Variants in RBPMS observed in about 807,000 individuals in gnomAD.
RBPMS encodes RNA-binding protein with multiple splicing.
A neutral mutation model predicts 26.8 loss-of-function variants in RBPMS; 7 were observed. That is an observed-to-expected ratio of 0.26 (90% CI 0.15 to 0.49). The LOEUF (loss-of-function observed/expected upper bound fraction) is 0.49, where lower values mean the gene tolerates loss of function less well. Among genes scored for constraint, RBPMS ranks in the 20% least tolerant of loss-of-function variants. The probability of loss-of-function intolerance (pLI) is 0.98; values close to 1 mark genes in which losing one functional copy is unlikely to be tolerated. For missense variants in RBPMS, 186 were observed against 250.0 expected (o/e 0.74, Z 1.73); for synonymous variants, 96 against 93.3 (o/e 1.03, Z -0.17).
intron 6 of RBPMS, among the ~76,000 whole-genome samples, chr8:30,549,024 G>A (rs1049097631): frequency 3.3e-5 from 5 of 152,238 alleles, no homozygotes; most frequent in Non-Finnish European, 7.3e-5. Flanking sequence ...CCAGCAGCGA[G>A]ACAGCTGTGG....
chr8:30,570,826 T>C lies in RBPMS; in HGVS notation c.*301T>C, dbSNP rs1268090798. On this transcript the variant is annotated 3_prime_UTR_variant, in exon 9 of 9. Coordinates refer to ENST00000397323, the MANE Select transcript of RBPMS (RefSeq NM_001008710.3). ...AAATTTCTGTACAGTTTGGAGATAT[T>C]TTCAAACGAAACGTAAGAGAAGTCA... The C allele has an allele frequency of 3.3e-5, 5 of 152,464 alleles. No individual in the cohort carries two copies. The highest frequency in any genetic ancestry group is 6.5e-5 in the Admixed American group (1 of 15,282). The allele number at this position is 152,464 out of a possible 1,614,324, so 9.4% of individuals were successfully genotyped here.
chr8:30,486,485 T>C (rs75437803), intron 4 of RBPMS, among the ~76,000 whole-genome samples: 1 of 149,690 alleles, frequency 6.7e-6, no homozygotes, highest in East Asian at 2.0e-4. Flanking sequence ...AAAAAAAAAT[T>C]AGCTGGGCAT....
At chr8:30,526,342 C>T (rs1022302908) in intron 5 of RBPMS, among the ~76,000 whole-genome samples, 1 of 152,226 alleles carries the variant, frequency 6.6e-6, no homozygotes, top group African/African-American at 2.4e-5. Context: ...CCTTAACCAT[C>T]TCTTTCTTCA....
At chr8:30,480,818 T>G (rs1359045094) in intron 4 of RBPMS, among the ~76,000 whole-genome samples, 1 of 152,242 alleles carries the variant, frequency 6.6e-6, no homozygotes, top group Non-Finnish European at 1.5e-5. Context: ...CAATTTCAAT[T>G]TAGCAGTGTT....
intron 6 of RBPMS, among the ~76,000 whole-genome samples, chr8:30,549,890 G>A (rs1481923431): frequency 2.8e-5 from 4 of 140,902 alleles, no homozygotes; most frequent in Admixed American, 7.4e-5. Flanking sequence ...TCGCTCTGTC[G>A]CCCAGGCTGG....
chr8:30,439,572 CTTCT>C (rs1289975960), intron 1 of RBPMS, among the ~76,000 whole-genome samples: 2 of 152,090 alleles, frequency 1.3e-5, no homozygotes, highest in East Asian at 1.9e-4. Flanking sequence ...GGAGGAAAAA[CTTCT>C]TTCTTAGAGT....
intron 5 of RBPMS, among the ~76,000 whole-genome samples, chr8:30,524,848 T>C (rs1823414515): frequency 6.6e-6 from 1 of 152,186 alleles, no homozygotes; most frequent in African/African-American, 2.4e-5. Flanking sequence ...TCAAACTTTA[T>C]CAGTAAAACT....
intron 1 of RBPMS, among the ~76,000 whole-genome samples, chr8:30,428,128 A>G (rs1414574192): frequency 6.6e-6 from 1 of 150,648 alleles, no homozygotes; most frequent in Non-Finnish European, 1.5e-5. Flanking sequence ...GTTTCAAGCA[A>G]TTCTCCTGCC....
intron 1 of RBPMS, among the ~76,000 whole-genome samples, chr8:30,430,204 T>TA (rs1168167217): frequency 1.3e-5 from 2 of 151,468 alleles, no homozygotes; most frequent in Admixed American, 1.3e-4. Context: ...TGGGTTAGAG[T>TA]GATACCCTGT....
intron 4 of RBPMS, among the ~76,000 whole-genome samples, chr8:30,501,275 C>T (rs1820529373): frequency 7.2e-6 from 1 of 139,520 alleles, no homozygotes; most frequent in Admixed American, 7.1e-5. Flanking sequence ...TGACCCCTCC[C>T]ACCCCAACAC....
intron 1 of RBPMS, among the ~76,000 whole-genome samples, chr8:30,450,317 A>T (rs1814414282): frequency 6.6e-6 from 1 of 152,238 alleles, no homozygotes; most frequent in Admixed American, 6.5e-5. Flanking sequence ...GCAATTCAGC[A>T]TGAGATGGAT....
intron 1 of RBPMS, among the ~76,000 whole-genome samples, chr8:30,423,649 G>C (rs1349059158): frequency 7.0e-6 from 1 of 142,640 alleles, no homozygotes; most frequent in Middle Eastern, 3.2e-3. Flanking sequence ...GAAGTTGAGG[G>C]TTGGGGGTGG....
At chr8:30,556,178 G>A (rs1343849319) in intron 6 of RBPMS, 3 of 985,264 alleles carry the variant, frequency 3.0e-6, no homozygotes, top group East Asian at 1.1e-4. Context: ...CTGTGTGTCC[G>A]CCACCCGCCA....
chr8:30,493,578 T>G (rs924665748), intron 4 of RBPMS, among the ~76,000 whole-genome samples: 1 of 152,152 alleles, frequency 6.6e-6, no homozygotes, highest in African/African-American at 2.4e-5. Flanking sequence ...GATTCCTGAG[T>G]AAGAGAGTAC....
chr8:30,569,083 CT>C (rs1408408049), intron 8 of RBPMS, among the ~76,000 whole-genome samples: 3 of 152,194 alleles, frequency 2.0e-5, no homozygotes, highest in African/African-American at 7.2e-5. Flanking sequence ...CCATATCCCC[CT>C]CATCAGGGCT....
At chr8:30,532,389 T>C (rs1393946150) in intron 5 of RBPMS, among the ~76,000 whole-genome samples, 1 of 152,230 alleles carries the variant, frequency 6.6e-6, no homozygotes, top group African/African-American at 2.4e-5. Context: ...TTACCTTTTT[T>C]CCTATATTAA....
At chr8:30,498,924 A>G (rs1820266502) in intron 4 of RBPMS, among the ~76,000 whole-genome samples, 2 of 152,130 alleles carry the variant, frequency 1.3e-5, no homozygotes, top group African/African-American at 2.4e-5. Context: ...AAATATATCT[A>G]TATGATGCAG....
intron 1 of RBPMS, among the ~76,000 whole-genome samples, chr8:30,414,027 C>G (rs1809769072): frequency 6.6e-6 from 1 of 152,190 alleles, no homozygotes; most frequent in Non-Finnish European, 1.5e-5. Context: ...CAGGTGTGAG[C>G]CACCGTGCCC....
At chr8:30,449,186 A>T (rs1302909596) in intron 1 of RBPMS, among the ~76,000 whole-genome samples, 1 of 152,214 alleles carries the variant, frequency 6.6e-6, no homozygotes, top group Non-Finnish European at 1.5e-5. Flanking sequence ...GAAAAGAAAC[A>T]AAAAGGAAAA....
Sources: gnomAD v4.1 joint callset for allele counts (sites outside exome capture counted in the v4.1 genomes callset) on GRCh38, gnomAD v4.1.1 for gene constraint, MANE v1.5 for transcripts, NCBI Gene and HGNC (gene_info 2026-07-23, HGNC 2026-07-21) for gene names.